PHACTR1: variants seen among roughly 807,000 people sequenced by gnomAD.
PHACTR1 encodes RPEL repeat containing 1.
In PHACTR1, 16 loss-of-function variants were observed where a neutral mutation model predicts 69.2. That is an observed-to-expected ratio of 0.23 (90% CI 0.16 to 0.35). The LOEUF is 0.35. Among genes scored for constraint, PHACTR1 ranks in the 10% least tolerant of loss-of-function variants. PHACTR1 has a pLI of 1.00. For missense variants in PHACTR1, 510 were observed against 734.7 expected, an observed-to-expected ratio of 0.69 and a Z score of 3.54; for synonymous variants, 312 against 284.5, an observed-to-expected ratio of 1.10 and a Z score of -0.97.
At chr6:12,907,649 G>A (rs1785890494) in intron 4 of PHACTR1, among the ~76,000 whole-genome samples, 1 of 152,172 alleles carries the variant, frequency 6.6e-6, no homozygotes, top group African/African-American at 2.4e-5. Flanking sequence ...CATCTTTCTT[G>A]AAGAAGAAGG....
At chr6:12,778,135 A>C (rs1770333282) in intron 4 of PHACTR1, among the ~76,000 whole-genome samples, 1 of 152,212 alleles carries the variant, frequency 6.6e-6, no homozygotes, top group African/African-American at 2.4e-5. Flanking sequence ...TCTGGCATTG[A>C]CTTAATTATT....
intron 6 of PHACTR1, among the ~76,000 whole-genome samples, chr6:13,161,160 G>A (rs1048926933): frequency 2.0e-5 from 3 of 151,858 alleles, no homozygotes; most frequent in Admixed American, 6.6e-5. Context: ...TTGTATTTTT[G>A]TGCAGACAGG....
At chr6:13,218,702 C>T (rs1739014015) in intron 8 of PHACTR1, among the ~76,000 whole-genome samples, 1 of 151,822 alleles carries the variant, frequency 6.6e-6, no homozygotes, top group African/African-American at 2.4e-5. Context: ...CCTGTTAGTA[C>T]AAGCTACTCA....
intron 5 of PHACTR1, among the ~76,000 whole-genome samples, chr6:13,144,484 T>C (rs1337847147): frequency 1.3e-5 from 2 of 152,334 alleles, no homozygotes; most frequent in Admixed American, 6.5e-5. Context: ...AGCATATTCA[T>C]GGACTAGAAG....
Position 13,283,371 on chromosome 6 carries a change from C to T in PHACTR1, c.1510-51C>T. ...GCAAGTTCACAGACAGGACCAAGTGCCATGGTCAACCCTTCTGGCTGACTG... is the reference window on the plus strand; with the variant it reads ...GCAAGTTCACAGACAGGACCAAGTGTCATGGTCAACCCTTCTGGCTGACTG... On this transcript the variant is annotated intron_variant, in intron 12 of 14. Transcript: ENST00000332995. The surrounding 1 kb of genome is among the most constrained non-coding windows in gnomAD (Gnocchi z 4.7). 6.3e-7 allele frequency: 1 copy of T among 1,581,090 alleles called. No homozygotes were observed.
chr6:13,036,509 TC>T (rs2127702688), intron 4 of PHACTR1, among the ~76,000 whole-genome samples: 1 of 152,342 alleles, frequency 6.6e-6, no homozygotes, highest in African/African-American at 2.4e-5. Flanking sequence ...ATGTCACTCT[TC>T]AATAATATGT....
At chr6:13,252,963 G>A (rs568227232) in intron 10 of PHACTR1, 20 of 413,214 alleles carry the variant, frequency 4.8e-5, no homozygotes, top group African/African-American at 3.0e-4. Flanking sequence ...TTTCTAAATA[G>A]CATGAGATCT....
chr6:13,183,117 A>G (rs1762401058), intron 7 of PHACTR1, among the ~76,000 whole-genome samples: 2 of 152,318 alleles, frequency 1.3e-5, no homozygotes, highest in African/African-American at 4.8e-5. Flanking sequence ...TTTACTGGAT[A>G]TAGTCAATTA....
intron 4 of PHACTR1, among the ~76,000 whole-genome samples, chr6:12,981,665 A>AT (rs1295923920): frequency 1.3e-5 from 2 of 152,098 alleles, no homozygotes; most frequent in Non-Finnish European, 2.9e-5. Context: ...ACTCATATTC[A>AT]TTTCCCATCC....
chr6:12,777,625 C>CTTTTTTTTTTTTTTTTTTTTTTTTTTT (rs869096915), intron 4 of PHACTR1, among the ~76,000 whole-genome samples: 1 of 99,016 alleles, frequency 1.0e-5, no homozygotes, highest in Non-Finnish European at 1.9e-5. Flanking sequence ...CTTTCTTCTT[C>CTTTTTTTTTTTTTTTTTTTTTTTTTTT]TTTTTTTTTT....
At chr6:12,784,480 A>G (rs1771260571) in intron 4 of PHACTR1, among the ~76,000 whole-genome samples, 1 of 151,324 alleles carries the variant, frequency 6.6e-6, no homozygotes, top group African/African-American at 2.4e-5. Flanking sequence ...GTCTATACAC[A>G]TATACATATA....
At chr6:12,822,312 A>G (rs1776314951) in intron 4 of PHACTR1, among the ~76,000 whole-genome samples, 2 of 152,236 alleles carry the variant, frequency 1.3e-5, no homozygotes, top group Admixed American at 6.5e-5. Flanking sequence ...AGAGTCCCCA[A>G]CAGGGAGAAC....
At chr6:12,727,509 A>C (rs1297205450) in intron 3 of PHACTR1, among the ~76,000 whole-genome samples, 1 of 152,212 alleles carries the variant, frequency 6.6e-6, no homozygotes, top group Non-Finnish European at 1.5e-5. Context: ...GGATGAGAGG[A>C]AGAGGGAGAG....
At chr6:12,888,535 A>G (rs1410600229) in intron 4 of PHACTR1, among the ~76,000 whole-genome samples, 1 of 152,220 alleles carries the variant, frequency 6.6e-6, no homozygotes, top group African/African-American at 2.4e-5. Context: ...ATAATTTTTT[A>G]AAACCTCAAG....
chr6:13,062,263 T>C (rs567714344), intron 5 of PHACTR1, among the ~76,000 whole-genome samples: 11 of 152,220 alleles, frequency 7.2e-5, no homozygotes, highest in Non-Finnish European at 1.5e-4. Flanking sequence ...GTCCTCTCCC[T>C]AAGACCCCTC....
chr6:13,272,610 G>T, intron 10 of PHACTR1: 1 of 1,138,062 alleles, frequency 8.8e-7, no homozygotes, highest in Non-Finnish European at 1.2e-6. Flanking sequence ...TGGAGGAGAT[G>T]GGGCTGGGGA....
chr6:13,174,573 T>C (rs1429133575), intron 6 of PHACTR1, among the ~76,000 whole-genome samples: 1 of 152,256 alleles, frequency 6.6e-6, no homozygotes, highest in African/African-American at 2.4e-5. Context: ...CATTATTCTC[T>C]TCTACAAGAA....
At chr6:12,959,202 A>AAAG (rs1554181519) in intron 4 of PHACTR1, among the ~76,000 whole-genome samples, 6 of 69,124 alleles carry the variant, frequency 8.7e-5, no homozygotes, top group African/African-American at 6.4e-4. Context: ...AAAAGAAAAG[A>AAAG]AAAAAAAAAG....
At chr6:12,898,583 A>T (rs1784905354) in intron 4 of PHACTR1, among the ~76,000 whole-genome samples, 2 of 152,086 alleles carry the variant, frequency 1.3e-5, no homozygotes, top group South Asian at 2.1e-4. Context: ...GCCTCCTTTT[A>T]TCTTGGCCGC....
Sources: gnomAD v4.1 joint callset for allele counts (sites outside exome capture counted in the v4.1 genomes callset) on GRCh38, gnomAD v4.1.1 for gene constraint, Gnocchi (gnomAD v3.1) non-coding constraint, MANE v1.5 for transcripts, NCBI Gene and HGNC (gene_info 2026-07-23, HGNC 2026-07-21) for gene names.